The following ARHGAP12 variants were observed in gnomAD, a reference collection of about 807,000 sequenced individuals.
ARHGAP12 encodes Rho GTPase activating protein 12, also known as rho GTPase-activating protein 12.
A neutral mutation model predicts 108.6 loss-of-function variants in ARHGAP12; 64 were observed. That is an observed-to-expected ratio of 0.59 (90% CI 0.48 to 0.73). The LOEUF is 0.73. ARHGAP12 is among the 30% of genes least tolerant of loss of function. The pLI is 0.00. For synonymous variants in ARHGAP12, 312 were observed against 337.2 expected (o/e 0.93, Z 0.82); for missense variants, 940 against 1,005.9 (o/e 0.93, Z 0.89).
intron 1 of ARHGAP12, among the ~76,000 whole-genome samples, chr10:31,927,535 TA>T (rs1840100575): frequency 6.6e-6 from 1 of 152,134 alleles, no homozygotes; most frequent in Non-Finnish European, 1.5e-5. Flanking sequence ...AACGCATGCC[TA>T]AATAGTCGAT....
intron 3 of ARHGAP12, 84 bp from the exon 4 acceptor site, chr10:31,861,742 C>T (rs1202252620): frequency 7.6e-7 from 1 of 1,313,334 alleles, no homozygotes; most frequent in African/African-American, 1.5e-5. Flanking sequence ...GATTTATAAA[C>T]AATACTAACT....
At chr10:31,864,721 T>G (rs1342183111) in intron 3 of ARHGAP12, among the ~76,000 whole-genome samples, 1 of 152,144 alleles carries the variant, frequency 6.6e-6, no homozygotes, top group East Asian at 1.9e-4. Context: ...TTTGAAAAAA[T>G]GATGGACAGT....
At chr10:31,822,604 A>C (rs1246243957) in intron 11 of ARHGAP12, among the ~76,000 whole-genome samples, 1 of 152,206 alleles carries the variant, frequency 6.6e-6, no homozygotes, top group Non-Finnish European at 1.5e-5. Flanking sequence ...AATTTATCTT[A>C]AACAGACTTG....
At chr10:31,900,282 TAGAA>T (rs1247678933) in intron 3 of ARHGAP12, among the ~76,000 whole-genome samples, 14 of 152,318 alleles carry the variant, frequency 9.2e-5, no homozygotes, top group Middle Eastern at 3.4e-3. Context: ...AAAAACCACT[TAGAA>T]AGACAGTTTG....
intron 6 of ARHGAP12, among the ~76,000 whole-genome samples, chr10:31,845,982 G>A (rs1331718297): frequency 6.6e-6 from 1 of 151,918 alleles, no homozygotes; most frequent in Non-Finnish European, 1.5e-5. Context: ...ACCGTCCTGT[G>A]GGCTACTTGA....
intron 3 of ARHGAP12, among the ~76,000 whole-genome samples, chr10:31,864,156 G>C (rs1837236164): frequency 6.6e-6 from 1 of 152,168 alleles, no homozygotes; most frequent in South Asian, 2.1e-4. Flanking sequence ...AAAAGAAACT[G>C]TCATTTGTCA....
chr10:31,887,651 T>G (rs115856763), intron 3 of ARHGAP12, among the ~76,000 whole-genome samples: 1,740 of 137,776 alleles, frequency 0.013, 40 homozygotes, highest in African/African-American at 0.045. Flanking sequence ...GCCCTTCCTG[T>G]TTTTTTTTTG....
At chr10:31,884,643 A>G (rs1838125302) in intron 3 of ARHGAP12, among the ~76,000 whole-genome samples, 3 of 152,242 alleles carry the variant, frequency 2.0e-5, no homozygotes, top group Non-Finnish European at 4.4e-5. Flanking sequence ...TGCACTGTGA[A>G]TGGCTCTCTT....
chr10:31,909,732 C>T (rs970688785), intron 2 of ARHGAP12, among the ~76,000 whole-genome samples: 4 of 151,950 alleles, frequency 2.6e-5, no homozygotes, highest in African/African-American at 9.7e-5. Flanking sequence ...CCTGCCTCTA[C>T]AAGAATTACA....
chr10:31,831,608 A>G lies in ARHGAP12; in HGVS notation c.1448+131T>C, dbSNP rs1388423010. On this transcript the variant is annotated intron_variant, in intron 10 of 19. Coordinates refer to ENST00000344936, the MANE Select transcript of ARHGAP12 (RefSeq NM_018287.7). ...CATAAATCTCATGACAATCTTACATATATGATTACATAGAAAACAAATGGT... is the reference window on the plus strand; with the variant it reads ...CATAAATCTCATGACAATCTTACATGTATGATTACATAGAAAACAAATGGT... The G allele has an allele frequency of 5.5e-6, 3 of 549,774 alleles. No individual in the cohort carries two copies. The African/African-American group carries it at 5.9e-5, about 11-fold the overall frequency. 34.1% of individuals were successfully genotyped at this position (549,774 alleles called of 1,614,324 possible).
chr10:31,924,187 C>G (rs1839935541), intron 1 of ARHGAP12, among the ~76,000 whole-genome samples: 1 of 152,214 alleles, frequency 6.6e-6, no homozygotes, highest in African/African-American at 2.4e-5. Context: ...CATGATCCAG[C>G]AATCCCTCTT....
chr10:31,913,141 C>T (rs2799018), intron 1 of ARHGAP12: 71,102 of 152,374 alleles, frequency 0.47, 16,822 homozygotes, highest in Middle Eastern at 0.51. Context: ...TAACTGAACA[C>T]GGGCAAAGAT....
rs201010420 is a variant in ARHGAP12 at position 31,881,264 on chromosome 10, T to TA, written c.685-19607dup. ...ATACATGTAATGGGCAGTATCATGT[T>TA]AAAAAAAAACAAAAACTTGCCTAAA... On this transcript the variant is annotated intron_variant, in intron 3 of 19. Transcript: ENST00000344936. Among the ~76,000 whole-genome samples, 689 of 150,430 alleles carry TA rather than the reference T, an allele frequency of 4.6e-3. 5 individuals are homozygous for TA. Among genetic ancestry groups the TA allele is most frequent in the Non-Finnish European group, 5.5e-3 (373 of 67,522 alleles).
chr10:31,869,032 A>G (rs554631335), intron 3 of ARHGAP12, among the ~76,000 whole-genome samples: 1 of 152,356 alleles, frequency 6.6e-6, no homozygotes, highest in South Asian at 2.1e-4. Flanking sequence ...ATACATTTGT[A>G]TTACAAAAAC....
intron 1 of ARHGAP12, among the ~76,000 whole-genome samples, chr10:31,916,299 A>C (rs1300342273): frequency 1.3e-5 from 2 of 152,054 alleles, no homozygotes; most frequent in Non-Finnish European, 2.9e-5. Flanking sequence ...GCCTCTTACC[A>C]GTCTTCTTCC....
intron 4 of ARHGAP12, among the ~76,000 whole-genome samples, chr10:31,860,953 G>C (rs1035998865): frequency 3.3e-5 from 5 of 152,298 alleles, no homozygotes; most frequent in African/African-American, 1.2e-4. Flanking sequence ...TACTAGTGAG[G>C]CTAAGGTGGG....
At position 31,922,911 on chromosome 10, in the gene ARHGAP12, T is replaced by C. The variant is rs531009652; in HGVS notation, c.-111+5772A>G. 2.0e-5 allele frequency among the ~76,000 whole-genome samples: 3 copies of C among 152,182 alleles called. No homozygotes were observed. In the South Asian group the frequency reaches 6.2e-4, roughly 32 times the overall value. ...AGGAAGTCGAGACAAGAGGATCACT[T>C]GAGGTCAGGAGTTCAAAACCAACCT... On this transcript the variant is annotated intron_variant, in intron 1 of 19. Coordinates refer to ENST00000344936, the MANE Select transcript of ARHGAP12 (RefSeq NM_018287.7).
At chr10:31,926,374 G>T (rs1179482635) in intron 1 of ARHGAP12, among the ~76,000 whole-genome samples, 3 of 151,500 alleles carry the variant, frequency 2.0e-5, no homozygotes, top group Admixed American at 6.6e-5. Flanking sequence ...GGCCCAATAG[G>T]TTCCTCAAAA....
rs201408299 is a variant in ARHGAP12 at position 31,851,182 on chromosome 10, T to C, written c.1170+1335A>G. ...AACAGTATTTTAAAAAACAATCCTA[T>C]TGTATAAATGTAAATTTTAATATGA... On this transcript the variant is annotated intron_variant, in intron 6 of 19. Coordinates refer to ENST00000344936, the MANE Select transcript of ARHGAP12 (RefSeq NM_018287.7). Among the ~76,000 whole-genome samples, 64 of 152,284 alleles carry C rather than the reference T, an allele frequency of 4.2e-4. 1 individual carries two copies. In the East Asian group the frequency reaches 9.6e-3, roughly 23 times the overall value.
Sources: allele counts gnomAD v4.1 joint callset (sites outside exome capture counted in the v4.1 genomes callset), GRCh38; gene constraint gnomAD v4.1.1; transcripts MANE v1.5; gene names NCBI Gene and HGNC (gene_info 2026-07-23, HGNC 2026-07-21).